IL17RB: variants seen among roughly 807,000 people sequenced by gnomAD.
The protein encoded by IL17RB is interleukin 17 receptor B.
In IL17RB, 36 loss-of-function variants were observed where a neutral mutation model predicts 43.9. The observed-to-expected ratio is 0.82, with a 90% confidence interval of 0.63 to 1.08. The LOEUF (loss-of-function observed/expected upper bound fraction) is 1.08, where lower values mean the gene tolerates loss of function less well. IL17RB is among the 50% of genes least tolerant of loss of function. The pLI, the probability that IL17RB is intolerant of heterozygous loss-of-function variation, is 0.00. For synonymous variants in IL17RB, 225 were observed against 225.4 expected (o/e 1.00, Z 0.02); for missense variants, 613 against 613.6 (o/e 1.00, Z 0.01).
intron 6 of IL17RB, 105 bp downstream of exon 6, chr3:53,855,446 T>C (rs1699298424): frequency 1.3e-6 from 1 of 763,832 alleles, no homozygotes; most frequent in Non-Finnish European, 2.2e-6. Flanking sequence ...TAGGGGAGAG[T>C]TGAATATCCA....
At chr3:53,858,858 TCA>T (rs779913160) in intron 9 of IL17RB, 40 bp downstream of exon 9, 307 of 1,448,984 alleles carry the variant, frequency 2.1e-4, no homozygotes, top group Middle Eastern at 5.5e-4. Context: ...TCAAAGTGGC[TCA>T]CACACAGTCA....
rs66583280 is a variant in IL17RB, at chr3:53,863,857, C to G, written c.947-889C>G. ...TTTTTTTTTGAGACAGGGTCTCACTCTGTTGCCCAGGCTGGAGTGGAATGG... is the reference window on the plus strand; with the variant it reads ...TTTTTTTTTGAGACAGGGTCTCACTGTGTTGCCCAGGCTGGAGTGGAATGG... On this transcript the variant is annotated intron_variant, in intron 10 of 10. Transcript: ENST00000288167. Among the ~76,000 whole-genome samples, 4 of 146,412 alleles carry G rather than the reference C, an allele frequency of 2.7e-5. No homozygotes were observed. The South Asian group carries it at 8.7e-4, about 32-fold the overall frequency.
intron 1 of IL17RB, among the ~76,000 whole-genome samples, chr3:53,847,752 G>A (rs555059165): frequency 2.0e-5 from 3 of 151,574 alleles, no homozygotes; most frequent in East Asian, 3.9e-4. Context: ...CGAGATCTGC[G>A]CCACTGTACT....
intron 9 of IL17RB, 88 bp from the exon 10 acceptor site, chr3:53,860,042 T>C: frequency 1.1e-6 from 1 of 885,880 alleles, no homozygotes; most frequent in East Asian, 2.5e-5. Context: ...TAAATAAACC[T>C]CTATAAAGTA....
intron 4 of IL17RB, among the ~76,000 whole-genome samples, chr3:53,852,582 G>C (rs1235477964): frequency 6.6e-6 from 1 of 152,142 alleles, no homozygotes; most frequent in Non-Finnish European, 1.5e-5. Flanking sequence ...CCCATTTTCG[G>C]CTACTTCTCT....
intron 10 of IL17RB, among the ~76,000 whole-genome samples, chr3:53,864,290 A>G (rs1699688707): frequency 6.6e-6 from 1 of 152,134 alleles, no homozygotes; most frequent in Non-Finnish European, 1.5e-5. Context: ...TAATCCCAGC[A>G]CTCTGGGAGG....
intron 3 of IL17RB, 26 bp downstream of exon 3, chr3:53,849,821 G>T: frequency 6.4e-7 from 1 of 1,566,380 alleles, no homozygotes; most frequent in Non-Finnish European, 8.7e-7. Context: ...TCAGAGATAA[G>T]GCCCAAAGTG....
chr3:53,852,174 T>G, intron 4 of IL17RB, 48 bp downstream of exon 4: 1 of 1,566,876 alleles, frequency 6.4e-7, no homozygotes, highest in Admixed American at 1.7e-5. Context: ...TAGCATCTTG[T>G]TCTGTCACCC....
intron 10 of IL17RB, among the ~76,000 whole-genome samples, chr3:53,863,833 T>G (rs2107032947): frequency 6.6e-6 from 1 of 151,804 alleles, no homozygotes; most frequent in African/African-American, 2.4e-5. Flanking sequence ...TTTTTTTTTT[T>G]TTTTTTTGAG....
chr3:53,864,853 A>C lies in IL17RB; in HGVS notation c.1054A>C (p.Thr352Pro). 6.2e-7 allele frequency: 1 copy of C among 1,614,164 alleles called. No individual in the cohort carries two copies. Among genetic ancestry groups the C allele is most frequent in the Non-Finnish European group, 8.5e-7 (1 of 1,180,016 alleles). The change falls in exon 11 of 11, where the codon ACT becomes CCT. Residue 352 changes from threonine (T) to proline (P), a missense_variant. Thr to Pro is a conservative substitution (Grantham distance 38). Coordinates refer to ENST00000288167, the MANE Select transcript of IL17RB (RefSeq NM_018725.4). Reference sequence around the variant, plus strand: ...TTTCCATCACACAATTTGTTACTTCACTGAATTTCTTCAAAACCATTGCAG... The same window carrying C: ...TTTCCATCACACAATTTGTTACTTCCCTGAATTTCTTCAAAACCATTGCAG... ...ICFHHTICYF[T>P]EFLQNHCRSE...
At chr3:53,857,481 C>A in intron 7 of IL17RB, 135 bp from the exon 8 acceptor site, 1 of 731,940 alleles carries the variant, frequency 1.4e-6, no homozygotes, top group South Asian at 1.5e-5. Context: ...GAGACGGTTT[C>A]GCCATGTTGC....
At chr3:53,858,354 T>C in intron 8 of IL17RB, 5 of 1,040,982 alleles carry the variant, frequency 4.8e-6, no homozygotes, top group Non-Finnish European at 5.8e-6. Flanking sequence ...TACAGGGACT[T>C]GCATGTCCTA....
At chr3:53,853,912 T>A (rs982533136) in intron 5 of IL17RB, among the ~76,000 whole-genome samples, 4 of 152,038 alleles carry the variant, frequency 2.6e-5, no homozygotes, top group South Asian at 2.1e-4. Context: ...TTATTTATTT[T>A]TTAGACGGGG....
chr3:53,858,339 C>G (rs970319203), intron 8 of IL17RB: 4 of 1,022,606 alleles, frequency 3.9e-6, no homozygotes, highest in Non-Finnish European at 4.7e-6. Context: ...ATAGACTTCC[C>G]TTACTACAGG....
chr3:53,864,605 G>GT (rs1031940749), intron 10 of IL17RB, 141 bp from the exon 11 acceptor site: 2 of 675,352 alleles, frequency 3.0e-6, no homozygotes, highest in African/African-American at 3.6e-5. Flanking sequence ...ACATCAGGAT[G>GT]TTTTTCCTTG....
intron 3 of IL17RB, among the ~76,000 whole-genome samples, chr3:53,851,131 A>G (rs933078968): frequency 6.6e-6 from 1 of 152,214 alleles, no homozygotes; most frequent in Non-Finnish European, 1.5e-5. Context: ...GCAAGGCACC[A>G]TATGAGTTCT....
intron 4 of IL17RB, among the ~76,000 whole-genome samples, 178 bp downstream of exon 4, chr3:53,852,304 G>A (rs1165692536): frequency 1.3e-5 from 2 of 152,006 alleles, no homozygotes; most frequent in African/African-American, 2.4e-5. Context: ...ACCAGACCTG[G>A]CTAATTTTTG....
At chr3:53,858,230 C>A in intron 8 of IL17RB, 1 of 447,832 alleles carries the variant, frequency 2.2e-6, no homozygotes, top group Non-Finnish European at 3.0e-6. Flanking sequence ...GAGTAAGGAG[C>A]TTCCATGCTT....
chr3:53,853,345 A>G (rs1248172607), intron 5 of IL17RB, among the ~76,000 whole-genome samples: 2 of 152,276 alleles, frequency 1.3e-5, no homozygotes, highest in African/African-American at 2.4e-5. Flanking sequence ...TTATACACAC[A>G]TAAAAGTGAA....
Sources: gnomAD v4.1 joint callset for allele counts (sites outside exome capture counted in the v4.1 genomes callset) on GRCh38, gnomAD v4.1.1 for gene constraint, MANE v1.5 for transcripts, NCBI Gene and HGNC (gene_info 2026-07-23, HGNC 2026-07-21) for gene names.